The following SWT1 variants were observed in gnomAD, a reference collection of about 807,000 sequenced individuals.
SWT1 encodes SWT1 RNA endoribonuclease homolog.
SWT1 carries 33 observed loss-of-function variants against 107.3 expected under a neutral mutation model. The observed-to-expected ratio is 0.31, with a 90% CI of 0.23 to 0.41. The LOEUF (loss-of-function observed/expected upper bound fraction) is 0.41, where lower values mean the gene tolerates loss of function less well. Ranked by LOEUF, SWT1 falls within the 10% of genes least tolerant of loss-of-function variation. The pLI is 1.00. For missense variants in SWT1, 898 were observed against 1,028.9 expected (o/e 0.87, Z 1.74); for synonymous variants, 345 against 348.3 (o/e 0.99, Z 0.11).
At chr1:185,193,804 T>C (rs188534899) in intron 10 of SWT1, among the ~76,000 whole-genome samples, 203 of 152,336 alleles carry the variant, frequency 1.3e-3, no homozygotes, top group Non-Finnish European at 2.1e-3. Context: ...GAAAGGAGTA[T>C]TGAAGTCTCC....
intron 2 of SWT1, among the ~76,000 whole-genome samples, chr1:185,165,369 A>G (rs916036461): frequency 1.3e-5 from 2 of 152,234 alleles, no homozygotes; most frequent in East Asian, 3.8e-4. Context: ...TAGACTTGCC[A>G]TAAACCTTCA....
rs937639394 is a variant in SWT1, at chr1:185,173,338, A to G, written c.225-1034A>G. Among the ~76,000 whole-genome samples the G allele has an allele frequency of 2.1e-4, 32 of 152,134 alleles. 1 individual carries two copies. Among genetic ancestry groups the G allele is most frequent in the Admixed American group, 2.1e-3 (32 of 15,276 alleles). On this transcript the variant is annotated intron_variant, in intron 4 of 18. Coordinates refer to ENST00000367500, the MANE Select transcript of SWT1 (RefSeq NM_017673.7). ...CGCTAAAGTTTTAAAGTAAATAGTC[A>G]CATATTATCAGTGTTATCCTTTGTT...
At chr1:185,159,057 G>A (rs1441658813) in intron 1 of SWT1, among the ~76,000 whole-genome samples, 1 of 152,178 alleles carries the variant, frequency 6.6e-6, no homozygotes, top group Non-Finnish European at 1.5e-5. Context: ...CTGTTTGAGT[G>A]TCCTCATGAC....
At chr1:185,213,288 G>C (rs567879777) in intron 13 of SWT1, among the ~76,000 whole-genome samples, 1 of 152,288 alleles carries the variant, frequency 6.6e-6, no homozygotes, top group Admixed American at 6.5e-5. Context: ...AGTCTGTCCT[G>C]TGTGTAGCAT....
Position 185,163,840 on chromosome 1 carries a change from ACTC to A in SWT1, c.85-2729_85-2727del. ...TGAGGTTTGGAATCAACTTTTCCAA[ACTC>A]CTGTTAATGTTGGTATTTTGACCTA... On this transcript the variant is annotated intron_variant, in intron 2 of 18. Transcript: ENST00000367500. Among the ~76,000 whole-genome samples the A allele has an allele frequency of 2.0e-5, 3 of 151,404 alleles. No individual in the cohort carries two copies. In the East Asian group the frequency reaches 5.8e-4, roughly 29 times the overall value.
intron 14 of SWT1, among the ~76,000 whole-genome samples, chr1:185,221,172 C>T (rs1659630084): frequency 6.6e-6 from 1 of 152,150 alleles, no homozygotes; most frequent in African/African-American, 2.4e-5. Flanking sequence ...TGGGGTCTCC[C>T]TCACTCCCTG....
chr1:185,235,224 ATCATCCTGATACCAAAACCT>A (rs1660779956), intron 16 of SWT1, among the ~76,000 whole-genome samples: 1 of 152,248 alleles, frequency 6.6e-6, no homozygotes, highest in South Asian at 2.1e-4. Flanking sequence ...TGAGGCCAGC[ATCATCCTGATACCAAAACCT>A]GGCAGAGACA....
intron 16 of SWT1, among the ~76,000 whole-genome samples, chr1:185,236,873 AAAC>A (rs1660922305): frequency 6.6e-6 from 1 of 152,194 alleles, no homozygotes; most frequent in Admixed American, 6.5e-5. Flanking sequence ...TACAAGAAAA[AAAC>A]AACCCCATCA....
chr1:185,230,918 T>A (rs528839744), intron 15 of SWT1, among the ~76,000 whole-genome samples: 1 of 152,250 alleles, frequency 6.6e-6, no homozygotes, highest in South Asian at 2.1e-4. Flanking sequence ...CTCTAATTTT[T>A]AAATTTTTTT....
chr1:185,238,735 G>A (rs1661064555), intron 16 of SWT1, among the ~76,000 whole-genome samples: 2 of 151,530 alleles, frequency 1.3e-5, no homozygotes, highest in African/African-American at 4.8e-5. Context: ...TTTAAACCGG[G>A]CAGATAATAG....
chr1:185,171,970 C>T (rs891072917), intron 4 of SWT1, among the ~76,000 whole-genome samples: 1 of 152,156 alleles, frequency 6.6e-6, no homozygotes, highest in African/African-American at 2.4e-5. Flanking sequence ...AGGTGAAACT[C>T]CTATAAAAAC....
chr1:185,188,157 G>A (rs1456493930), intron 9 of SWT1, among the ~76,000 whole-genome samples: 2 of 152,236 alleles, frequency 1.3e-5, no homozygotes, highest in East Asian at 3.9e-4. Flanking sequence ...TAACCAGACT[G>A]GTCTGTTTCC....
At chr1:185,179,979 A>G (rs1464210819) in intron 5 of SWT1, among the ~76,000 whole-genome samples, 1 of 152,198 alleles carries the variant, frequency 6.6e-6, no homozygotes, top group Non-Finnish European at 1.5e-5. Context: ...TGAACTCAGG[A>G]TTTCGAGACC....
At chr1:185,211,873 G>T (rs1015714005) in intron 13 of SWT1, among the ~76,000 whole-genome samples, 2 of 152,148 alleles carry the variant, frequency 1.3e-5, no homozygotes, top group African/African-American at 4.8e-5. Flanking sequence ...ATACTATGCA[G>T]CCATAAAAAA....
chr1:185,158,693 G>A (rs1653868791), intron 1 of SWT1, among the ~76,000 whole-genome samples: 1 of 152,122 alleles, frequency 6.6e-6, no homozygotes, highest in African/African-American at 2.4e-5. Context: ...CATGGTCTGT[G>A]CTTGTAAGAC....
chr1:185,268,053 G>T (rs566234568), intron 16 of SWT1, among the ~76,000 whole-genome samples: 1 of 152,170 alleles, frequency 6.6e-6, no homozygotes, highest in African/African-American at 2.4e-5. Context: ...ATGTAATGAA[G>T]TCTAAATTCA....
At chr1:185,264,866 G>T (rs1663262956) in intron 16 of SWT1, among the ~76,000 whole-genome samples, 2 of 152,088 alleles carry the variant, frequency 1.3e-5, no homozygotes, top group Admixed American at 1.3e-4. Flanking sequence ...TTAACAGAAA[G>T]CTGTAGTATT....
At chr1:185,239,752 G>A (rs987366680) in intron 16 of SWT1, among the ~76,000 whole-genome samples, 2 of 151,856 alleles carry the variant, frequency 1.3e-5, no homozygotes, top group Non-Finnish European at 2.9e-5. Context: ...TTTTTGGTCA[G>A]TACTACATAG....
intron 5 of SWT1, chr1:185,176,432 G>A: frequency 3.4e-6 from 1 of 297,368 alleles, no homozygotes; most frequent in Non-Finnish European, 5.0e-6. Flanking sequence ...TAGGCAGAGG[G>A]AGCTACATGA....
Sources: allele counts gnomAD v4.1 joint callset (sites outside exome capture counted in the v4.1 genomes callset), GRCh38; gene constraint gnomAD v4.1.1; transcripts MANE v1.5; gene names NCBI Gene and HGNC (gene_info 2026-07-23, HGNC 2026-07-21).